The following NECTIN3 variants were observed in gnomAD, a reference collection of about 807,000 sequenced individuals.
The protein encoded by NECTIN3 is nectin cell adhesion molecule 3.
Under a neutral mutation model 49.4 loss-of-function variants are expected in NECTIN3, and 8 were observed. The ratio of observed to expected loss-of-function variants is 0.16; its 90% CI spans 0.10 to 0.29. The LOEUF (loss-of-function observed/expected upper bound fraction) is 0.29, where lower values mean the gene tolerates loss of function less well. NECTIN3 is among the 10% of genes least tolerant of loss of function. The pLI, the probability that NECTIN3 is intolerant of heterozygous loss-of-function variation, is 1.00. For missense variants in NECTIN3, 581 were observed against 654.6 expected (o/e 0.89, Z 1.23); for synonymous variants, 277 against 241.1 (o/e 1.15, Z -1.38).
intron 7 of NECTIN3, among the ~76,000 whole-genome samples, chr3:111,159,250 A>G (rs764775003): frequency 1.7e-4 from 26 of 152,164 alleles, no homozygotes; most frequent in Non-Finnish European, 3.4e-4. Context: ...GCATGTAATT[A>G]TAAGTCCAAA....
intron 1 of NECTIN3, among the ~76,000 whole-genome samples, chr3:111,082,296 G>A (rs115169316): frequency 0.029 from 4,398 of 152,186 alleles, 84 homozygotes; most frequent in Middle Eastern, 0.068. Flanking sequence ...CGAGGGGTAG[G>A]AGGTAGGTTG....
At chr3:111,166,593 A>G (rs1350859129) in intron 7 of NECTIN3, among the ~76,000 whole-genome samples, 1 of 152,160 alleles carries the variant, frequency 6.6e-6, no homozygotes, top group Admixed American at 6.5e-5. Flanking sequence ...TTCTGTGCCT[A>G]CTTGATGTTT....
At position 111,137,154 on chromosome 3, in the gene NECTIN3, T is replaced by G; in HGVS notation, c.*2939T>G. 1 of 959,246 alleles carries G rather than the reference T, an allele frequency of 1.0e-6. No homozygotes were observed. The allele number at this position is 959,246 out of a possible 1,614,324, so 59.4% of individuals were successfully genotyped here. A position where few individuals can be genotyped will look rare whatever the true frequency, so the allele number is the denominator to read the frequency against. ...ATTTTATATGTGAAAACATCTGATTTGAGTTTTTGATAAATACTGCTAAAA... is the reference window on the plus strand; with the variant it reads ...ATTTTATATGTGAAAACATCTGATTGGAGTTTTTGATAAATACTGCTAAAA... On this transcript the variant is annotated 3_prime_UTR_variant, in exon 6 of 6. Transcript: ENST00000485303.
At position 111,123,838 on chromosome 3, in the gene NECTIN3, G is replaced by C. The variant is rs75852158; in HGVS notation, c.917+1600G>C. 0.02 allele frequency among the ~76,000 whole-genome samples: 3,071 copies of C among 152,176 alleles called. 189 individuals are homozygous for C. In the East Asian group the frequency reaches 0.24, roughly 12 times the overall value. ...TATTTTAGGCCGATAATTAGTTTTTGTAGTGTGCAGTCCTGTGAATTGTAA... is the reference window on the plus strand; with the variant it reads ...TATTTTAGGCCGATAATTAGTTTTTCTAGTGTGCAGTCCTGTGAATTGTAA... On this transcript the variant is annotated intron_variant, in intron 4 of 5. Coordinates refer to ENST00000485303, the MANE Select transcript of NECTIN3 (RefSeq NM_015480.3).
rs1425159773 is a variant in NECTIN3 at position 111,072,001 on chromosome 3, CG to C, written c.-11del. 8.1e-6 allele frequency: 9 copies of C among 1,115,426 alleles called. No homozygotes were observed. The highest frequency in any genetic ancestry group is 1.5e-5 in the South Asian group (1 of 67,824). The allele number at this position is 1,115,426 out of a possible 1,614,324, so 69.1% of individuals were successfully genotyped here. A position where few individuals can be genotyped will look rare whatever the true frequency, so the allele number is the denominator to read the frequency against. On this transcript the variant is annotated 5_prime_UTR_variant, in exon 1 of 6. Transcript: ENST00000485303. The stretch of plus-strand genomic sequence containing the variant: ...CCGGGGGGCGGGCGGGCGAGCGGGC[CG>C]GGGGGAGGGTGGGGGATGGCGCGGA...
intron 1 of NECTIN3, among the ~76,000 whole-genome samples, chr3:111,090,508 A>T (rs1034629984): frequency 2.6e-5 from 4 of 151,944 alleles, no homozygotes; most frequent in African/African-American, 9.7e-5. Flanking sequence ...TACAGGAACC[A>T]TCAAATATTT....
At chr3:111,149,853 T>G (rs944786685) in intron 7 of NECTIN3, among the ~76,000 whole-genome samples, 3 of 151,970 alleles carry the variant, frequency 2.0e-5, no homozygotes, top group African/African-American at 4.8e-5. Context: ...AAATCTGATA[T>G]GAAATAATTG....
intron 3 of NECTIN3, among the ~76,000 whole-genome samples, chr3:111,121,678 C>T (rs193227038): frequency 6.4e-4 from 98 of 152,184 alleles, no homozygotes; most frequent in African/African-American, 2.3e-3. Context: ...GAAGATATTT[C>T]CTTTTAGATT....
chr3:111,130,272 T>A (rs932804223), intron 5 of NECTIN3, among the ~76,000 whole-genome samples: 9 of 151,908 alleles, frequency 5.9e-5, no homozygotes, highest in African/African-American at 7.2e-5. Flanking sequence ...GTTTTTTTTT[T>A]TTTGGTAATC....
At chr3:111,149,805 G>C (rs926204431) in intron 7 of NECTIN3, among the ~76,000 whole-genome samples, 1 of 151,504 alleles carries the variant, frequency 6.6e-6, no homozygotes. Context: ...TTTTTCAGGG[G>C]AATACATGTG....
In NECTIN3 at chr3:111,136,901, T is replaced by C. The variant is rs10433385; in HGVS notation, c.*2686T>C. 15,375 of 965,232 alleles carry C rather than the reference T, an allele frequency of 0.016. 1,265 individuals carry two copies. In the East Asian group the frequency reaches 0.45, roughly 28 times the overall value. The allele number at this position is 965,232 out of a possible 1,614,324, so 59.8% of individuals were successfully genotyped here. On this transcript the variant is annotated 3_prime_UTR_variant, in exon 6 of 6. Transcript: ENST00000485303. The stretch of plus-strand genomic sequence containing the variant: ...CTCGGGGTTAACTTTAAAAGTGATA[T>C]TTGAGAAGTGCTTTAGAGTTGAAAG...
chr3:111,193,266 C>A, intron 1 of NECTIN3: 1 of 1,535,736 alleles, frequency 6.5e-7, no homozygotes, highest in Non-Finnish European at 8.7e-7. Context: ...TGGCATTCAG[C>A]AGATGTACCC....
chr3:111,159,742 A>G (rs1209202539), intron 7 of NECTIN3, among the ~76,000 whole-genome samples: 2 of 152,230 alleles, frequency 1.3e-5, no homozygotes, highest in African/African-American at 2.4e-5. Flanking sequence ...ACAAGACATT[A>G]TATTTCTTTT....
intron 5 of NECTIN3, among the ~76,000 whole-genome samples, chr3:111,129,414 C>T (rs896274573): frequency 3.9e-5 from 6 of 151,958 alleles, no homozygotes; most frequent in African/African-American, 1.5e-4. Flanking sequence ...AAACATAAAG[C>T]CTGCTTTAAT....
intron 7 of NECTIN3, among the ~76,000 whole-genome samples, chr3:111,174,734 G>C (rs2035494425): frequency 7.7e-6 from 1 of 129,412 alleles, no homozygotes; most frequent in African/African-American, 2.8e-5. Context: ...TGGGGGGTGG[G>C]GGGTGGGGCG....
chr3:111,100,188 G>T (rs2032821491), intron 1 of NECTIN3, among the ~76,000 whole-genome samples: 1 of 152,082 alleles, frequency 6.6e-6, no homozygotes, highest in Admixed American at 6.6e-5. Context: ...GATTATTAAT[G>T]AATGTTGACA....
At chr3:111,154,284 C>T (rs4682238) in intron 7 of NECTIN3, among the ~76,000 whole-genome samples, 41,478 of 152,016 alleles carry the variant, frequency 0.27, 11,253 homozygotes, top group African/African-American at 0.7. Context: ...TGTTCTCTCT[C>T]TTGGTCTTTC....
chr3:111,072,252 C>A (rs2030814030), intron 1 of NECTIN3, 75 bp downstream of exon 1: 5 of 1,483,034 alleles, frequency 3.4e-6, no homozygotes, highest in Non-Finnish European at 3.6e-6. Context: ...CCGGCTCTGC[C>A]AGCCGTTCTC....
chr3:111,140,357 C>CT (rs756223393), downstream of NECTIN3, among the ~76,000 whole-genome samples: 6,119 of 144,420 alleles, frequency 0.042, 162 homozygotes, highest in Middle Eastern at 0.067. Context: ...TGCATTTGAT[C>CT]TTTTTTTTTT....
Sources: gnomAD v4.1 joint callset for allele counts (sites outside exome capture counted in the v4.1 genomes callset) on GRCh38, gnomAD v4.1.1 for gene constraint, MANE v1.5 for transcripts, NCBI Gene and HGNC (gene_info 2026-07-23, HGNC 2026-07-21) for gene names.